SAMMSON: variants seen among roughly 807,000 people sequenced by gnomAD.
SAMMSON encodes long intergenic non-protein coding RNA 1212.
intron 2 of SAMMSON, among the ~76,000 whole-genome samples, chr3:70,417,808 C>T (rs542943699): frequency 2.4e-4 from 36 of 152,160 alleles, no homozygotes; most frequent in African/African-American, 8.7e-4. Flanking sequence ...GATCACAGAC[C>T]CACTCCCAGG....
At chr3:70,064,665 AAGCTGTTAG>A (rs2067202548) in intron 3 of SAMMSON, among the ~76,000 whole-genome samples, 1 of 152,162 alleles carries the variant, frequency 6.6e-6, no homozygotes, top group African/African-American at 2.4e-5. Context: ...CAAGGGAAGA[AAGCTGTTAG>A]AGGCAGGAGC....
chr3:70,430,059 A>G (rs1701401451), intron 2 of SAMMSON, among the ~76,000 whole-genome samples: 1 of 152,166 alleles, frequency 6.6e-6, no homozygotes, highest in African/African-American at 2.4e-5. Context: ...TTGAAGGGGA[A>G]TGCTTCCAGC....
chr3:70,124,716 GA>G (rs530114454), intron 4 of SAMMSON, among the ~76,000 whole-genome samples: 238 of 149,718 alleles, frequency 1.6e-3, no homozygotes, highest in African/African-American at 5.8e-3. Context: ...TTGGGAGGCT[GA>G]GGCAGGAGAA....
At chr3:70,080,090 T>C (rs2067262529) in intron 4 of SAMMSON, among the ~76,000 whole-genome samples, 1 of 152,224 alleles carries the variant, frequency 6.6e-6, no homozygotes, top group Non-Finnish European at 1.5e-5. Context: ...CTTCACTTTT[T>C]TCATTACAGG....
intron 4 of SAMMSON, among the ~76,000 whole-genome samples, chr3:70,191,639 T>G (rs1005526420): frequency 6.6e-6 from 1 of 152,234 alleles, no homozygotes; most frequent in African/African-American, 2.4e-5. Context: ...GGATAACAAC[T>G]CTTAAAACAT....
intron 7 of SAMMSON, among the ~76,000 whole-genome samples, chr3:70,334,120 G>A (rs1291130678): frequency 6.6e-6 from 1 of 152,120 alleles, no homozygotes; most frequent in African/African-American, 2.4e-5. Flanking sequence ...TTCAAAAGTG[G>A]CTTTAAGAGA....
chr3:70,084,615 T>C (rs1432016035), intron 4 of SAMMSON: 4 of 152,144 alleles, frequency 2.6e-5, no homozygotes, highest in Non-Finnish European at 5.9e-5. Context: ...GTTGAGTTGC[T>C]CAGCCAGGCA....
intron 9 of SAMMSON, among the ~76,000 whole-genome samples, chr3:70,373,119 A>C (rs1246210655): frequency 6.6e-6 from 1 of 152,010 alleles, no homozygotes; most frequent in Non-Finnish European, 1.5e-5. Context: ...TTCTTCTCTT[A>C]TCATTTTCTT....
intron 6 of SAMMSON, among the ~76,000 whole-genome samples, chr3:70,285,738 A>T (rs979177181): frequency 6.6e-6 from 1 of 151,550 alleles, no homozygotes; most frequent in African/African-American, 2.4e-5. Flanking sequence ...TGACTTTTTA[A>T]TGATTGCCAT....
chr3:70,034,160 C>G (rs899915255), intron 3 of SAMMSON, among the ~76,000 whole-genome samples: 1 of 152,070 alleles, frequency 6.6e-6, no homozygotes, highest in Admixed American at 6.6e-5. Flanking sequence ...GCTGGGCCGT[C>G]TGTTTGAGCA....
At chr3:70,256,658 G>A (rs964574763) in intron 6 of SAMMSON, among the ~76,000 whole-genome samples, 3 of 152,144 alleles carry the variant, frequency 2.0e-5, no homozygotes, top group African/African-American at 4.8e-5. Flanking sequence ...CATGAGATGC[G>A]TCCCTCCTTC....
chr3:70,029,440 G>A (rs530795824), intron 3 of SAMMSON, among the ~76,000 whole-genome samples: 2 of 152,200 alleles, frequency 1.3e-5, no homozygotes, highest in Non-Finnish European at 2.9e-5. Context: ...CCAGAAAGTA[G>A]CATTATCTTT....
intron 8 of SAMMSON, among the ~76,000 whole-genome samples, chr3:70,357,234 T>C (rs1464318257): frequency 1.3e-5 from 2 of 152,158 alleles, no homozygotes; most frequent in Non-Finnish European, 2.9e-5. Context: ...AGCTTCCGTT[T>C]TCCTGATTAT....
At chr3:70,324,422 G>A in intron 7 of SAMMSON, among the ~76,000 whole-genome samples, 1 of 150,750 alleles carries the variant, frequency 6.6e-6, no homozygotes, top group Non-Finnish European at 1.5e-5. Context: ...TGTCATTCTA[G>A]TCATAGGTGA....
At chr3:70,019,844 A>G (rs2067004339) in intron 3 of SAMMSON, among the ~76,000 whole-genome samples, 1 of 152,144 alleles carries the variant, frequency 6.6e-6, no homozygotes. Context: ...AGGGCCTGAG[A>G]AGTCTTGCAG....
intron 3 of SAMMSON, among the ~76,000 whole-genome samples, chr3:70,052,441 A>G (rs1178591491): frequency 6.6e-6 from 1 of 152,122 alleles, no homozygotes; most frequent in Admixed American, 6.6e-5. Context: ...ATGGGAGAGT[A>G]ACACATTGTC....
At chr3:70,290,467 G>A (rs1460258059) in intron 6 of SAMMSON, among the ~76,000 whole-genome samples, 5 of 152,214 alleles carry the variant, frequency 3.3e-5, no homozygotes, top group Admixed American at 3.3e-4. Context: ...CTTCAAAGCT[G>A]TCAGACAGGG....
chr3:70,401,684 G>T (rs1045863682), intron 2 of SAMMSON, among the ~76,000 whole-genome samples: 1 of 151,824 alleles, frequency 6.6e-6, no homozygotes, highest in African/African-American at 2.4e-5. Flanking sequence ...TTAAGATTTA[G>T]TCTAAGGATC....
chr3:70,083,880 A>G (rs925114542), intron 4 of SAMMSON, among the ~76,000 whole-genome samples: 3 of 152,100 alleles, frequency 2.0e-5, no homozygotes, highest in Non-Finnish European at 2.9e-5. Context: ...CTTTCTAGTG[A>G]AACTGTAAGC....
Sources: allele counts gnomAD v4.1 joint callset (sites outside exome capture counted in the v4.1 genomes callset), GRCh38; gene constraint gnomAD v4.1.1; transcripts MANE v1.5; gene names NCBI Gene and HGNC (gene_info 2026-07-23, HGNC 2026-07-21).